Variants in TTC23 observed in about 807,000 individuals in gnomAD.
TTC23 encodes tetratricopeptide repeat domain 23, also known as tetratricopeptide repeat protein 23.
Under a neutral mutation model 55.1 loss-of-function variants are expected in TTC23, and 58 were observed. The observed-to-expected ratio is 1.05, with a 90% CI of 0.85 to 1.31. The LOEUF (loss-of-function observed/expected upper bound fraction) is 1.31. Among genes scored for constraint, TTC23 ranks in the 50% most tolerant of loss-of-function variants. TTC23 has a pLI of 0.00. For synonymous variants in TTC23, 203 were observed against 199.9 expected, an observed-to-expected ratio of 1.02 and a Z score of -0.13; for missense variants, 516 against 534.4, an observed-to-expected ratio of 0.97 and a Z score of 0.34.
At position 99,221,704 on chromosome 15, in the gene TTC23, C is replaced by T. The variant is rs551786178; in HGVS notation, c.304+37G>A. 1.8e-5 allele frequency: 29 copies of T among 1,611,762 alleles called. 1 individual carries two copies. Among genetic ancestry groups the T allele is most frequent in the African/African-American group, 5.3e-5 (4 of 74,972 alleles). ...AAATTTTGGGGAGAACAGCAGAAAT[C>T]GACCAACTGATCCCCCTCAGTCTAA... On this transcript the variant is annotated intron_variant, in intron 6 of 13. Transcript: ENST00000394132.
At chr15:99,202,396 A>G (rs1403280089) in intron 8 of TTC23, among the ~76,000 whole-genome samples, 1 of 152,214 alleles carries the variant, frequency 6.6e-6, no homozygotes, top group Non-Finnish European at 1.5e-5. Context: ...CAGAAGAGAA[A>G]TGAAGGAAGT....
chr15:99,232,720 C>T (rs1313039628), intron 4 of TTC23, among the ~76,000 whole-genome samples: 1 of 151,984 alleles, frequency 6.6e-6, no homozygotes, highest in African/African-American at 2.4e-5. Flanking sequence ...AATTATGGAA[C>T]ACAGTAAGGA....
intron 9 of TTC23, among the ~76,000 whole-genome samples, chr15:99,187,452 C>CAAAAAAAAAAAAAAAAGAAAAAAAA (rs66568931): frequency 2.5e-4 from 11 of 44,428 alleles, no homozygotes; most frequent in Non-Finnish European, 4.0e-4. Context: ...AAAGCACAAG[C>CAAAAAAAAAAAAAAAAGAAAAAAAA]AAAAAAAAAA....
intron 8 of TTC23, among the ~76,000 whole-genome samples, chr15:99,215,806 T>G (rs1373869421): frequency 6.6e-6 from 1 of 151,898 alleles, no homozygotes; most frequent in Non-Finnish European, 1.5e-5. Flanking sequence ...AACTTGCAAA[T>G]TAATGGGTAT....
At chr15:99,195,999 C>T (rs1021907589) in intron 9 of TTC23, among the ~76,000 whole-genome samples, 1 of 151,462 alleles carries the variant, frequency 6.6e-6, no homozygotes, top group Non-Finnish European at 1.5e-5. Flanking sequence ...ACTAAAAATA[C>T]AAAATAGCCG....
intron 13 of TTC23, chr15:99,139,009 G>A: frequency 2.3e-6 from 1 of 431,404 alleles, no homozygotes; most frequent in Non-Finnish European, 4.3e-6. Context: ...AAGCAGGGCT[G>A]CAGGAGGCCA....
chr15:99,180,272 G>A (rs2073988250), intron 9 of TTC23, among the ~76,000 whole-genome samples: 1 of 151,926 alleles, frequency 6.6e-6, no homozygotes, highest in Non-Finnish European at 1.5e-5. Flanking sequence ...ATCCCTTGGG[G>A]TGCTGGCATG....
At position 99,142,471 on chromosome 15, in the gene TTC23, T is replaced by G. The variant is rs148090999; in HGVS notation, c.1144-3072A>C. 9.6e-3 allele frequency among the ~76,000 whole-genome samples: 1,455 copies of G among 152,350 alleles called. 11 individuals carry two copies. Among genetic ancestry groups the G allele is most frequent in the Middle Eastern group, 0.017 (5 of 294 alleles). On this transcript the variant is annotated intron_variant, in intron 12 of 13. Coordinates refer to ENST00000394132, the MANE Select transcript of TTC23 (RefSeq NM_001288615.3). The stretch of plus-strand genomic sequence containing the variant: ...TGAGTGCCTCTGATGCAGCTCATTT[T>G]GAGAGGTGATGTTGTCACTGCTTGT...
chr15:99,243,363 T>C (rs972372974), intron 2 of TTC23, among the ~76,000 whole-genome samples: 17 of 152,148 alleles, frequency 1.1e-4, no homozygotes, highest in African/African-American at 4.1e-4. Flanking sequence ...GGTGAGGATG[T>C]GGACAAAGGG....
At chr15:99,203,697 T>C (rs1175063025) in intron 8 of TTC23, among the ~76,000 whole-genome samples, 1 of 151,950 alleles carries the variant, frequency 6.6e-6, no homozygotes, top group Non-Finnish European at 1.5e-5. Flanking sequence ...TTTTCTTTTT[T>C]TTCTTTCTTT....
intron 3 of TTC23, among the ~76,000 whole-genome samples, chr15:99,240,034 C>A (rs1306096875): frequency 1.3e-5 from 2 of 152,206 alleles, no homozygotes; most frequent in Non-Finnish European, 2.9e-5. Context: ...TGACCACAGT[C>A]TACAGCAGTG....
At chr15:99,246,253 G>T (rs1011132015) in intron 1 of TTC23, among the ~76,000 whole-genome samples, 2 of 152,196 alleles carry the variant, frequency 1.3e-5, no homozygotes, top group Non-Finnish European at 2.9e-5. Context: ...CACAGAATGG[G>T]AGACAATATT....
At chr15:99,155,598 G>A (rs1555498750) in intron 12 of TTC23, 1 of 152,666 alleles carries the variant, frequency 6.6e-6, no homozygotes, top group Admixed American at 6.5e-5. Flanking sequence ...TGAATAAACA[G>A]AAAGACTAGT....
chr15:99,203,760 G>A (rs2076388813), intron 8 of TTC23, among the ~76,000 whole-genome samples: 2 of 146,598 alleles, frequency 1.4e-5, no homozygotes, highest in East Asian at 4.0e-4. Context: ...GATATTTTCT[G>A]TGCCTGGCTT....
At position 99,218,579 on chromosome 15, in the gene TTC23, G is replaced by A. The variant is rs774229321; in HGVS notation, c.581+9C>T. The A allele has an allele frequency of 4.3e-6, 7 of 1,614,108 alleles. No homozygotes were observed. The highest frequency in any genetic ancestry group is 1.7e-5 in the Admixed American group (1 of 60,030). ...ATCATGTATGCAAAATCCTAAACTT[G>A]AAACTTACTGTGCAAATGATAATCT... On this transcript the variant is annotated intron_variant, in intron 8 of 13. Coordinates refer to ENST00000394132, the MANE Select transcript of TTC23 (RefSeq NM_001288615.3).
intron 10 of TTC23, among the ~76,000 whole-genome samples, chr15:99,174,711 T>G (rs2073340694): frequency 6.6e-6 from 1 of 152,218 alleles, no homozygotes; most frequent in Non-Finnish European, 1.5e-5. Context: ...CCAGAGCTGT[T>G]GCCACAACAA....
intron 12 of TTC23, among the ~76,000 whole-genome samples, chr15:99,144,203 C>CT (rs2068563720): frequency 6.6e-6 from 1 of 152,140 alleles, no homozygotes; most frequent in Non-Finnish European, 1.5e-5. Flanking sequence ...AGCTAGGAGT[C>CT]TAAGGAGCCC....
intron 9 of TTC23, among the ~76,000 whole-genome samples, chr15:99,184,995 T>C (rs1445844763): frequency 3.3e-5 from 5 of 152,292 alleles, no homozygotes; most frequent in African/African-American, 1.2e-4. Context: ...GTGTCTGGCA[T>C]TTCCCCTGCT....
At chr15:99,201,591 C>T (rs1482199717) in intron 8 of TTC23, among the ~76,000 whole-genome samples, 1 of 152,160 alleles carries the variant, frequency 6.6e-6, no homozygotes, top group Admixed American at 6.5e-5. Context: ...CAGATGGCCA[C>T]AGTGGAATAA....
Sources: allele counts gnomAD v4.1 joint callset (sites outside exome capture counted in the v4.1 genomes callset), GRCh38; gene constraint gnomAD v4.1.1; transcripts MANE v1.5; gene names NCBI Gene and HGNC (gene_info 2026-07-23, HGNC 2026-07-21).